The following TAS2R1 variants were observed in gnomAD, a reference collection of about 807,000 sequenced individuals.
TAS2R1 encodes the protein taste 2 receptor member 1.
For missense variants in TAS2R1, 370 were observed against 353.4 expected (o/e 1.05, Z -0.38); for synonymous variants, 141 against 134.2 (o/e 1.05, Z -0.35).
rs560067750 is a variant in TAS2R1 at position 9,639,629 on chromosome 5, C to T, written c.-80-9637G>A. On this transcript the variant is annotated intron_variant, in intron 2 of 2. Transcript: ENST00000506620. ...TCCATGTGGAAGATGCACATTAGGC[C>T]GTTCTCTGCCATCTTCCCCCGATCT... 5.9e-5 allele frequency among the ~76,000 whole-genome samples: 9 copies of T among 152,306 alleles called. No homozygotes were observed. The East Asian group carries it at 1.5e-3, about 26-fold the overall frequency.
the TAS2R1 span, among the ~76,000 whole-genome samples, chr5:9,729,001 GA>G: frequency 6.6e-6 from 1 of 152,334 alleles, no homozygotes; most frequent in Middle Eastern, 3.4e-3. Context: ...GGCTCAGAGA[GA>G]AAGAGCAGGC....
At chr5:9,657,657 G>A (rs558550726) in intron 2 of TAS2R1, among the ~76,000 whole-genome samples, 2 of 152,262 alleles carry the variant, frequency 1.3e-5, no homozygotes, top group African/African-American at 4.8e-5. Context: ...GAAGACAGAC[G>A]CTGTATTATT....
chr5:9,673,101 T>A (rs1452528621), intron 1 of TAS2R1, among the ~76,000 whole-genome samples: 1 of 152,098 alleles, frequency 6.6e-6, no homozygotes, highest in Non-Finnish European at 1.5e-5. Flanking sequence ...TCATTACACA[T>A]GAACACAAAG....
chr5:9,778,635 G>T, the TAS2R1 span, among the ~76,000 whole-genome samples: 1 of 152,202 alleles, frequency 6.6e-6, no homozygotes, highest in African/African-American at 2.4e-5. Flanking sequence ...GCCAGCACTT[G>T]CTGCCTCACC....
chr5:9,790,017 C>T, the TAS2R1 span, among the ~76,000 whole-genome samples: 9 of 152,352 alleles, frequency 5.9e-5, no homozygotes, highest in African/African-American at 2.2e-4. Flanking sequence ...ACATATATCA[C>T]TCTGCTCATG....
At chr5:9,835,254 G>C in the TAS2R1 span, among the ~76,000 whole-genome samples, 1 of 152,232 alleles carries the variant, frequency 6.6e-6, no homozygotes, top group African/African-American at 2.4e-5. Flanking sequence ...GGCAACAGGA[G>C]AACAGCAGAG....
intron 1 of TAS2R1, among the ~76,000 whole-genome samples, chr5:9,667,914 T>C (rs1289519244): frequency 6.6e-6 from 1 of 152,068 alleles, no homozygotes; most frequent in African/African-American, 2.4e-5. Context: ...CCAGCAATGG[T>C]TCTTAACCAG....
the TAS2R1 span, among the ~76,000 whole-genome samples, chr5:9,888,573 C>A: frequency 1.3e-5 from 2 of 152,240 alleles, no homozygotes; most frequent in Non-Finnish European, 2.9e-5. Context: ...GAGCATTTCA[C>A]AGGGTGGACC....
the TAS2R1 span, among the ~76,000 whole-genome samples, chr5:9,796,018 T>G: frequency 2.0e-4 from 31 of 152,010 alleles, 2 homozygotes; most frequent in East Asian, 4.1e-3. Flanking sequence ...TGCAGGCAAA[T>G]AGACAAATTA....
At chr5:9,673,702 G>A (rs1450865586) in intron 1 of TAS2R1, among the ~76,000 whole-genome samples, 1 of 151,938 alleles carries the variant, frequency 6.6e-6, no homozygotes, top group East Asian at 1.9e-4. Flanking sequence ...CGTTACCAGA[G>A]GTTTGCTTTT....
the TAS2R1 span, among the ~76,000 whole-genome samples, chr5:9,778,412 G>A: frequency 6.6e-6 from 1 of 152,270 alleles, no homozygotes; most frequent in Admixed American, 6.5e-5. Flanking sequence ...TCAACTTAAA[G>A]TTACCAGCTG....
chr5:9,875,349 A>C, the TAS2R1 span, among the ~76,000 whole-genome samples: 1 of 152,226 alleles, frequency 6.6e-6, no homozygotes, highest in Admixed American at 6.5e-5. Flanking sequence ...TAAGGCTGCC[A>C]GCTGAATTCA....
intron 2 of TAS2R1, among the ~76,000 whole-genome samples, chr5:9,639,914 C>T (rs934265826): frequency 6.6e-6 from 1 of 152,102 alleles, no homozygotes; most frequent in Non-Finnish European, 1.5e-5. Flanking sequence ...CTAAAATTTT[C>T]TTCATGTCAG....
intron 1 of TAS2R1, among the ~76,000 whole-genome samples, chr5:9,662,094 T>C (rs1740549305): frequency 6.6e-6 from 1 of 152,164 alleles, no homozygotes; most frequent in Non-Finnish European, 1.5e-5. Context: ...CAGAAGGCTT[T>C]TACTCAGAAC....
At chr5:9,674,854 CT>C (rs1447196594) in intron 1 of TAS2R1, among the ~76,000 whole-genome samples, 7 of 151,824 alleles carry the variant, frequency 4.6e-5, no homozygotes, top group African/African-American at 1.7e-4. Flanking sequence ...GGAGTTCTAG[CT>C]GGTGCAATAA....
At chr5:9,651,682 C>T (rs1260157351) in intron 2 of TAS2R1, among the ~76,000 whole-genome samples, 2 of 152,030 alleles carry the variant, frequency 1.3e-5, no homozygotes, top group East Asian at 3.9e-4. Flanking sequence ...GTGAGTGCAG[C>T]TCCAGCTTTG....
chr5:9,873,581 G>A, the TAS2R1 span, among the ~76,000 whole-genome samples: 746 of 152,056 alleles, frequency 4.9e-3, 4 homozygotes, highest in Non-Finnish European at 8.1e-3. Context: ...AAAAAGGGAG[G>A]GGACGCTGGG....
the TAS2R1 span, among the ~76,000 whole-genome samples, chr5:9,777,375 A>G: frequency 6.6e-6 from 1 of 152,268 alleles, no homozygotes; most frequent in Non-Finnish European, 1.5e-5. Flanking sequence ...ATTCCCTCTC[A>G]AGAGACCACT....
chr5:9,792,861 T>C, the TAS2R1 span, among the ~76,000 whole-genome samples: 1 of 152,338 alleles, frequency 6.6e-6, no homozygotes, highest in South Asian at 2.1e-4. Flanking sequence ...TTTTCATCTT[T>C]AAACTGGTGA....
Sources: gnomAD v4.1 joint callset for allele counts (sites outside exome capture counted in the v4.1 genomes callset) on GRCh38, gnomAD v4.1.1 for gene constraint, MANE v1.5 for transcripts, NCBI Gene and HGNC (gene_info 2026-07-23, HGNC 2026-07-21) for gene names.